ZNF566: variants seen among roughly 807,000 people sequenced by gnomAD.
ZNF566 encodes the protein zinc finger protein 566.
ZNF566 carries 27 observed loss-of-function variants against 32.8 expected under a neutral mutation model. The observed-to-expected ratio is 0.82, with a 90% CI of 0.61 to 1.14. The LOEUF is 1.14. Ranked by LOEUF, ZNF566 falls within the 50% of genes most tolerant of loss-of-function variation. The pLI is 0.00. For missense variants in ZNF566, 402 were observed against 490.4 expected, an observed-to-expected ratio of 0.82 and a Z score of 1.70; for synonymous variants, 154 against 159.5, an observed-to-expected ratio of 0.97 and a Z score of 0.26.
chr19:36,468,248 ATG>A (rs2033677123), intron 4 of ZNF566, among the ~76,000 whole-genome samples: 1 of 151,698 alleles, frequency 6.6e-6, no homozygotes, highest in Admixed American at 6.6e-5. Context: ...ATGTGCAACA[ATG>A]GGAACATTCA....
At chr19:36,476,775 G>A (rs1248483282) in intron 1 of ZNF566, among the ~76,000 whole-genome samples, 159 bp from the exon 2 acceptor site, 1 of 152,122 alleles carries the variant, frequency 6.6e-6, no homozygotes, top group Non-Finnish European at 1.5e-5. Flanking sequence ...AAAGATACCA[G>A]GCTGTAACTG....
At chr19:36,476,453 T>TCTTA (rs2145693206) in intron 2 of ZNF566, 96 bp downstream of exon 2, 1 of 1,250,162 alleles carries the variant, frequency 8.0e-7, no homozygotes, top group Non-Finnish European at 1.1e-6. Context: ...GTGTTGTTTT[T>TCTTA]CTAACATCAA....
chr19:36,469,460 A>G (rs1325163794), intron 4 of ZNF566, among the ~76,000 whole-genome samples: 1 of 152,066 alleles, frequency 6.6e-6, no homozygotes, highest in African/African-American at 2.4e-5. Flanking sequence ...GAATTGCTTG[A>G]ACCCGGGAGG....
rs548241522 is a variant in ZNF566, at chr19:36,465,558, G to A, written c.232+7353C>T. 2.0e-5 allele frequency among the ~76,000 whole-genome samples: 3 copies of A among 151,754 alleles called. No homozygotes were observed. In the East Asian group the frequency reaches 5.8e-4, roughly 30 times the overall value. ...ACGATCTCAACTCACTGTAAGCTCC[G>A]CCTCCCAGGTTCATGTCATTCTCCT... is the stretch of plus-strand genomic sequence containing the variant. On this transcript the variant is annotated intron_variant, in intron 4 of 4. Coordinates refer to ENST00000452939, the MANE Select transcript of ZNF566 (RefSeq NM_001145344.1).
intron 2 of ZNF566, among the ~76,000 whole-genome samples, chr19:36,475,734 G>A (rs1437605748): frequency 6.6e-6 from 1 of 152,062 alleles, no homozygotes; most frequent in Admixed American, 6.6e-5. Context: ...CTGAAGAGGA[G>A]ACTGGGGTTG....
intron 4 of ZNF566, among the ~76,000 whole-genome samples, chr19:36,465,895 T>C (rs1277957804): frequency 6.6e-6 from 1 of 151,142 alleles, no homozygotes; most frequent in Non-Finnish European, 1.5e-5. Flanking sequence ...ATTAAATATA[T>C]ATAAAGGCAG....
chr19:36,470,947 G>A (rs996992029), intron 4 of ZNF566, among the ~76,000 whole-genome samples: 1 of 150,284 alleles, frequency 6.7e-6, no homozygotes, highest in South Asian at 2.1e-4. Context: ...GGTGGCTCAC[G>A]CCTGTAATCC....
At chr19:36,465,682 C>G (rs1054321179) in intron 4 of ZNF566, among the ~76,000 whole-genome samples, 1 of 151,694 alleles carries the variant, frequency 6.6e-6, no homozygotes, top group Non-Finnish European at 1.5e-5. Flanking sequence ...ATCATGTTAG[C>G]CAGGATGGTC....
chr19:36,485,883 G>A (rs1446257121), intron 1 of ZNF566, among the ~76,000 whole-genome samples: 1 of 151,610 alleles, frequency 6.6e-6, no homozygotes, highest in Non-Finnish European at 1.5e-5. Flanking sequence ...GTGAAACCCT[G>A]TCTCTGCTAA....
At chr19:36,469,528 G>A (rs558484300) in intron 4 of ZNF566, among the ~76,000 whole-genome samples, 219 of 151,868 alleles carry the variant, frequency 1.4e-3, no homozygotes, top group Non-Finnish European at 2.6e-3. Context: ...TAACAAGAGC[G>A]AAACTCCATC....
At chr19:36,463,285 C>T (rs1246407551) in intron 4 of ZNF566, among the ~76,000 whole-genome samples, 1 of 152,052 alleles carries the variant, frequency 6.6e-6, no homozygotes, top group African/African-American at 2.4e-5. Context: ...CTGGAATTAT[C>T]TCTGTCTACA....
At chr19:36,473,945 C>T (rs1002289446) in intron 2 of ZNF566, among the ~76,000 whole-genome samples, 1 of 152,134 alleles carries the variant, frequency 6.6e-6, no homozygotes, top group Non-Finnish European at 1.5e-5. Flanking sequence ...TTCTCAAGAA[C>T]ACCTCTAAAA....
Sources: gnomAD v4.1 joint callset for allele counts (sites outside exome capture counted in the v4.1 genomes callset) on GRCh38, gnomAD v4.1.1 for gene constraint, MANE v1.5 for transcripts, NCBI Gene and HGNC (gene_info 2026-07-23, HGNC 2026-07-21) for gene names.